The following RSPO2 variants were observed in gnomAD, a reference collection of about 807,000 sequenced individuals.
RSPO2 encodes the protein R-spondin-2.
Under a neutral mutation model 30.9 loss-of-function variants are expected in RSPO2, and 14 were observed. That is an observed-to-expected ratio of 0.45 (90% CI 0.30 to 0.71). The LOEUF (loss-of-function observed/expected upper bound fraction) is 0.71. Among genes scored for constraint, RSPO2 ranks in the 30% least tolerant of loss-of-function variants. RSPO2 has a pLI of 0.08. For missense variants in RSPO2, 264 were observed against 301.9 expected, an observed-to-expected ratio of 0.87 and a Z score of 0.93; for synonymous variants, 107 against 96.4, an observed-to-expected ratio of 1.11 and a Z score of -0.64.
At chr8:107,966,437 A>T (rs1381530736) in intron 3 of RSPO2, among the ~76,000 whole-genome samples, 1 of 152,178 alleles carries the variant, frequency 6.6e-6, no homozygotes, top group Non-Finnish European at 1.5e-5. Flanking sequence ...TCTAAGCTTG[A>T]CGTAAAGACA....
chr8:107,924,996 A>G (rs1174518692), intron 5 of RSPO2, among the ~76,000 whole-genome samples: 5 of 152,156 alleles, frequency 3.3e-5, no homozygotes, highest in Admixed American at 3.3e-4. Flanking sequence ...CAATAAGATC[A>G]CTATCCTGCA....
chr8:107,940,241 G>A (rs1006158636), intron 5 of RSPO2, among the ~76,000 whole-genome samples: 1 of 152,032 alleles, frequency 6.6e-6, no homozygotes, highest in African/African-American at 2.4e-5. Context: ...TAAAGTGTTG[G>A]ATTTTGCCTT....
At chr8:107,986,436 C>G (rs1393849593) in intron 3 of RSPO2, among the ~76,000 whole-genome samples, 1 of 152,120 alleles carries the variant, frequency 6.6e-6, no homozygotes, top group Non-Finnish European at 1.5e-5. Context: ...CTTTCTAAGG[C>G]TGATTTACAG....
rs151133775 is a variant in RSPO2 at position 108,081,176 on chromosome 8, C to G, written c.94+1369G>C. On this transcript the variant is annotated intron_variant, in intron 2 of 5. Coordinates refer to ENST00000276659, the MANE Select transcript of RSPO2 (RefSeq NM_178565.5). The stretch of plus-strand genomic sequence containing the variant: ...GCCGCAGATACAGAGACAATTGAAG[C>G]GCAGGGACTACAGAAGTCGCACACC... 2.7e-3 allele frequency among the ~76,000 whole-genome samples: 418 copies of G among 152,094 alleles called. 1 individual carries two copies. Among genetic ancestry groups the G allele is most frequent in the African/African-American group, 9.7e-3 (403 of 41,490 alleles).
chr8:108,064,206 G>A (rs1438049771), intron 2 of RSPO2, among the ~76,000 whole-genome samples: 5 of 152,102 alleles, frequency 3.3e-5, no homozygotes, highest in Non-Finnish European at 7.3e-5. Flanking sequence ...AAGAGCTTCT[G>A]CACAGCAAAA....
chr8:107,934,679 G>A (rs1335629155), intron 5 of RSPO2, among the ~76,000 whole-genome samples: 7 of 152,062 alleles, frequency 4.6e-5, no homozygotes, highest in Admixed American at 6.6e-5. Flanking sequence ...GCCCTGTTGC[G>A]GGAAGTCAGA....
intron 2 of RSPO2, among the ~76,000 whole-genome samples, chr8:108,044,019 T>C: frequency 6.6e-6 from 1 of 152,148 alleles, no homozygotes; most frequent in East Asian, 1.9e-4. Context: ...CAATGCCTGA[T>C]ACCCAGTAGG....
intron 3 of RSPO2, among the ~76,000 whole-genome samples, chr8:107,987,954 A>C: frequency 6.6e-6 from 1 of 152,238 alleles, no homozygotes; most frequent in East Asian, 1.9e-4. Flanking sequence ...ACAGCCCTTA[A>C]TATATTAAAT....
intron 2 of RSPO2, among the ~76,000 whole-genome samples, chr8:108,048,458 G>T (rs1811973988): frequency 6.6e-6 from 1 of 151,784 alleles, no homozygotes; most frequent in South Asian, 2.1e-4. Context: ...TAAGAAAATT[G>T]ATGTGTTTCT....
At chr8:107,958,519 C>T (rs887532028) in intron 4 of RSPO2, among the ~76,000 whole-genome samples, 6 of 152,076 alleles carry the variant, frequency 3.9e-5, no homozygotes. Flanking sequence ...TTGAAGGATG[C>T]TATTGGTCAG....
chr8:107,968,298 T>A (rs1813880661), intron 3 of RSPO2, among the ~76,000 whole-genome samples: 2 of 152,224 alleles, frequency 1.3e-5, no homozygotes, highest in South Asian at 4.2e-4. Context: ...TCATTTCCAG[T>A]GCATGGATGG....
chr8:107,996,723 T>C (rs1003225844), intron 2 of RSPO2, among the ~76,000 whole-genome samples: 1 of 152,118 alleles, frequency 6.6e-6, no homozygotes, highest in African/African-American at 2.4e-5. Context: ...ACCAAGAGAA[T>C]CAACACAAAT....
intron 2 of RSPO2, among the ~76,000 whole-genome samples, chr8:108,046,028 G>C (rs995277870): frequency 6.6e-5 from 10 of 152,090 alleles, no homozygotes; most frequent in Non-Finnish European, 1.0e-4. Context: ...ACACCTCTTA[G>C]AGAGCCAAAA....
chr8:108,061,163 G>A (rs893223517), intron 2 of RSPO2, among the ~76,000 whole-genome samples: 20 of 151,812 alleles, frequency 1.3e-4, no homozygotes, highest in Admixed American at 3.9e-4. Context: ...CATAATGACA[G>A]GATCAAATTC....
chr8:107,970,827 G>A (rs776954726), intron 3 of RSPO2, among the ~76,000 whole-genome samples: 16 of 152,228 alleles, frequency 1.1e-4, no homozygotes, highest in Non-Finnish European at 1.6e-4. Flanking sequence ...GCTGAAACTA[G>A]CTTGACATTT....
chr8:107,913,541 A>G (rs1483547331), intron 5 of RSPO2, among the ~76,000 whole-genome samples: 2 of 152,260 alleles, frequency 1.3e-5, no homozygotes, highest in Non-Finnish European at 2.9e-5. Context: ...GAGGCAATGG[A>G]TTTCAATTAG....
At chr8:107,983,283 A>G in intron 3 of RSPO2, 18 of 1,597,006 alleles carry the variant, frequency 1.1e-5, no homozygotes, top group Non-Finnish European at 1.5e-5. Flanking sequence ...CTCATCTTTC[A>G]CTGGAATTGC....
intron 5 of RSPO2, among the ~76,000 whole-genome samples, chr8:107,913,830 A>G (rs1811896352): frequency 6.6e-6 from 1 of 152,154 alleles, no homozygotes. Context: ...TACAATATAA[A>G]CTAAAATCAA....
In RSPO2 at chr8:108,069,431, C is replaced by T. The variant is rs1423752655; in HGVS notation, c.94+13114G>A. Among the ~76,000 whole-genome samples the T allele has an allele frequency of 3.3e-5, 5 of 152,158 alleles. No homozygotes were observed. In the East Asian group the frequency reaches 7.7e-4, roughly 23 times the overall value. ...GTTTCACCATGTTGGCCAGGATGGTCGCAATCTCTTGACTTTGTGATCTGC... is the reference window on the plus strand; with the variant it reads ...GTTTCACCATGTTGGCCAGGATGGTTGCAATCTCTTGACTTTGTGATCTGC... On this transcript the variant is annotated intron_variant, in intron 2 of 5. Transcript: ENST00000276659.
Sources: allele counts gnomAD v4.1 joint callset (sites outside exome capture counted in the v4.1 genomes callset), GRCh38; gene constraint gnomAD v4.1.1; transcripts MANE v1.5; gene names NCBI Gene and HGNC (gene_info 2026-07-23, HGNC 2026-07-21).